Variants in TFEB observed in about 807,000 individuals in gnomAD.
TFEB encodes T-cell transcription factor EB.
A neutral mutation model predicts 48.0 loss-of-function variants in TFEB; 12 were observed. That is an observed-to-expected ratio of 0.25 (90% CI 0.16 to 0.40). The LOEUF (loss-of-function observed/expected upper bound fraction) is 0.40, where lower values mean the gene tolerates loss of function less well. Ranked by LOEUF, TFEB falls within the 10% of genes least tolerant of loss-of-function variation. TFEB has a pLI of 1.00. For synonymous variants in TFEB, 244 were observed against 261.4 expected, an observed-to-expected ratio of 0.93 and a Z score of 0.64; for missense variants, 509 against 640.3, an observed-to-expected ratio of 0.79 and a Z score of 2.21.
In TFEB at chr6:41,687,924, C is replaced by G; in HGVS notation, c.654G>C (p.Gln218His). The change falls in exon 5 of 9, where the codon CAG (glutamine) becomes CAC (histidine). Residue 218 changes from glutamine to histidine, a missense_variant. Coordinates refer to ENST00000373033, the MANE Select transcript of TFEB (RefSeq NM_001271944.2). ...AGGCAGTACCTGTGAGCTCTCGCTT[C>G]TGGGTCAGGTCCGCAGGGCAGGAGC... The part of the protein sequence containing the change: ...TSSSCPADLT[Q>H]KRELTDAESR... 1 of 1,613,882 alleles carries G rather than the reference C, an allele frequency of 6.2e-7. No homozygotes were observed. The highest frequency in any genetic ancestry group is 8.5e-7 in the Non-Finnish European group (1 of 1,179,830).
chr6:41,732,969 A>G, intron 1 of TFEB: 1 of 985,504 alleles, frequency 1.0e-6, no homozygotes, highest in African/African-American at 1.7e-5. Context: ...TGCCTGCAGA[A>G]ACCGAGTTGA....
chr6:41,715,914 ACCACTGTCG>A (rs1351321440), intron 1 of TFEB, among the ~76,000 whole-genome samples: 3 of 151,966 alleles, frequency 2.0e-5, no homozygotes, highest in African/African-American at 4.8e-5. Context: ...TGCAGACATC[ACCACTGTCG>A]TGGTGCCTGG....
chr6:41,700,257 G>C (rs1478080651), intron 1 of TFEB, among the ~76,000 whole-genome samples: 4 of 152,188 alleles, frequency 2.6e-5, no homozygotes, highest in Non-Finnish European at 5.9e-5. Flanking sequence ...ACAAGGTCAA[G>C]AGATGGAGAC....
chr6:41,685,028 G>A lies in TFEB; in HGVS notation c.1002C>T (p.Ser334=), dbSNP rs745761214. 52 of 1,492,884 alleles carry A rather than the reference G, an allele frequency of 3.5e-5. No homozygotes were observed. In the East Asian group the frequency reaches 5.9e-4, roughly 17 times the overall value. The allele number at this position is 1,492,884 out of a possible 1,614,324, so 92.5% of individuals were successfully genotyped here. Residue 334 remains serine (S), a synonymous_variant, in exon 9 of 9, where the codon TCC becomes TCT. Transcript: ENST00000373033. ...GGGCCAGCTCAGCCATGTTCATGCC[G>A]GACGGGGAGGTGGTAGGGAGGCCGT... The part of the protein sequence containing the change: ...RVHGLPTTSP[S]GMNMAELAQQ...
chr6:41,728,490 C>T (rs1271639894), intron 1 of TFEB, among the ~76,000 whole-genome samples: 2 of 152,198 alleles, frequency 1.3e-5, no homozygotes, highest in East Asian at 1.9e-4. Flanking sequence ...GGACAAGAGG[C>T]GGCAGGGGGT....
At chr6:41,733,952 C>T (rs1371101208) in intron 1 of TFEB, 1 of 922,808 alleles carries the variant, frequency 1.1e-6, no homozygotes, top group South Asian at 5.0e-5. Flanking sequence ...AGGGCGGGTG[C>T]AGGGGCCTGA....
chr6:41,703,817 A>G (rs1199444535), intron 1 of TFEB, among the ~76,000 whole-genome samples: 7 of 152,218 alleles, frequency 4.6e-5, no homozygotes, highest in Non-Finnish European at 7.3e-5. Context: ...TCCTCACCAC[A>G]GCTCCATCCA....
chr6:41,694,190 C>T (rs1022296371), intron 1 of TFEB, among the ~76,000 whole-genome samples: 10 of 152,194 alleles, frequency 6.6e-5, no homozygotes, highest in African/African-American at 2.4e-4. Flanking sequence ...AGAGCCTGGG[C>T]TGGACCCTGC....
chr6:41,689,623 G>A (rs1000360123), intron 4 of TFEB, 108 bp downstream of exon 4: 8 of 808,352 alleles, frequency 9.9e-6, no homozygotes, highest in Non-Finnish European at 1.7e-5. Context: ...AAACATGCCA[G>A]CTCTGCCCAG....
intron 1 of TFEB, chr6:41,733,576 C>G: frequency 1.0e-6 from 1 of 980,514 alleles, no homozygotes; most frequent in Non-Finnish European, 1.2e-6. Flanking sequence ...TCTCCGGGCC[C>G]CGCGGCCAGG....
intron 1 of TFEB, among the ~76,000 whole-genome samples, chr6:41,710,871 C>T (rs1237878881): frequency 6.6e-6 from 1 of 152,176 alleles, no homozygotes; most frequent in Non-Finnish European, 1.5e-5. Flanking sequence ...GACAGCACAC[C>T]CTGACTTCAC....
At chr6:41,707,487 G>A (rs572378310) in intron 1 of TFEB, among the ~76,000 whole-genome samples, 452 of 152,294 alleles carry the variant, frequency 3.0e-3, no homozygotes, top group Admixed American at 7.1e-3. Flanking sequence ...CCAGGACCAC[G>A]TCTCCAGGGG....
chr6:41,721,792 C>T (rs1360486823), intron 1 of TFEB, among the ~76,000 whole-genome samples: 2 of 152,178 alleles, frequency 1.3e-5, no homozygotes, highest in Admixed American at 6.5e-5. Context: ...TGAGGCCAAA[C>T]AGTAACTGGC....
At chr6:41,694,732 T>C (rs1284764057) in intron 1 of TFEB, among the ~76,000 whole-genome samples, 1 of 152,068 alleles carries the variant, frequency 6.6e-6, no homozygotes, top group Non-Finnish European at 1.5e-5. Context: ...CCTCCCACCA[T>C]CTGGCCCTTC....
intron 1 of TFEB, among the ~76,000 whole-genome samples, chr6:41,704,498 G>A (rs1439127207): frequency 6.6e-6 from 1 of 152,230 alleles, no homozygotes; most frequent in Non-Finnish European, 1.5e-5. Context: ...CTGCCTGGGT[G>A]ACCACCAGCC....
In TFEB at chr6:41,689,848, C is replaced by G; in HGVS notation, c.469-37G>C. 10 of 1,574,070 alleles carry G rather than the reference C, an allele frequency of 6.4e-6. 1 individual carries two copies. The highest frequency in any genetic ancestry group is 7.9e-6 in the Non-Finnish European group (9 of 1,145,140). On this transcript the variant is annotated intron_variant, in intron 3 of 8. Transcript: ENST00000373033. ...AAAAGTCCATCTGGGGAGGGCCCAC[C>G]ACGAGGTGGGCAGGGGAAAGAGGCA... is the stretch of plus-strand genomic sequence containing the variant.
upstream of TFEB, chr6:41,735,645 C>T: frequency 1.2e-6 from 1 of 843,486 alleles, no homozygotes; most frequent in Non-Finnish European, 1.4e-6. Flanking sequence ...GGGCAGCACC[C>T]GCCCCGCCTC....
At chr6:41,735,944 G>A (rs1198864094), upstream of TFEB, among the ~76,000 whole-genome samples, 1 of 152,232 alleles carries the variant, frequency 6.6e-6, no homozygotes. Context: ...CCCAGATGGT[G>A]TGCTGTTGCC....
Position 41,684,383 on chromosome 6 carries a change from C to T in TFEB, c.*216G>A. The T allele has an allele frequency of 2.1e-6, 1 of 475,264 alleles. No individual in the cohort carries two copies. The highest frequency in any genetic ancestry group is 5.4e-5 in the South Asian group (1 of 18,352). 29.4% of individuals were successfully genotyped at this position (475,264 alleles called of 1,614,324 possible). Reference sequence around the variant, plus strand: ...GGGAGAGGGGCTGAAGGCCTCTTCCCACTGCGCCAGTCAAGAGGGCTGCCC... The same window carrying T: ...GGGAGAGGGGCTGAAGGCCTCTTCCTACTGCGCCAGTCAAGAGGGCTGCCC... On this transcript the variant is annotated 3_prime_UTR_variant, in exon 9 of 9. Transcript: ENST00000373033.
Sources: allele counts gnomAD v4.1 joint callset (sites outside exome capture counted in the v4.1 genomes callset), GRCh38; gene constraint gnomAD v4.1.1; transcripts MANE v1.5; gene names NCBI Gene and HGNC (gene_info 2026-07-23, HGNC 2026-07-21).